FNIP2: variants seen among roughly 807,000 people sequenced by gnomAD.
FNIP2 encodes the protein folliculin interacting protein 2.
Under a neutral mutation model 108.7 loss-of-function variants are expected in FNIP2, and 32 were observed. The observed-to-expected ratio is 0.29, with a 90% confidence interval of 0.22 to 0.40. The LOEUF is 0.40. FNIP2 is among the 10% of genes least tolerant of loss of function. The probability of loss-of-function intolerance (pLI) is 1.00; values close to 1 mark genes in which losing one functional copy is unlikely to be tolerated. For synonymous variants in FNIP2, 480 were observed against 496.7 expected (o/e 0.97, Z 0.45); for missense variants, 1,202 against 1,381.6 (o/e 0.87, Z 2.06).
At chr4:158,893,995 A>C (rs2126777218) in intron 15 of FNIP2, among the ~76,000 whole-genome samples, 1 of 152,248 alleles carries the variant, frequency 6.6e-6, no homozygotes, top group East Asian at 1.9e-4. Flanking sequence ...CTTGAATGAA[A>C]CCTGTGATTA....
chr4:158,799,371 T>A (rs1776688569), intron 1 of FNIP2, among the ~76,000 whole-genome samples: 1 of 152,202 alleles, frequency 6.6e-6, no homozygotes, highest in South Asian at 2.1e-4. Flanking sequence ...ATTAAATAAT[T>A]TTAGTCCTGA....
chr4:158,780,894 G>T (rs944588988), intron 1 of FNIP2, among the ~76,000 whole-genome samples: 1 of 152,242 alleles, frequency 6.6e-6, no homozygotes, highest in African/African-American at 2.4e-5. Context: ...AATTAGCCGG[G>T]TGTGGTGGCG....
intron 1 of FNIP2, among the ~76,000 whole-genome samples, chr4:158,772,366 G>A (rs1292667710): frequency 6.6e-6 from 1 of 152,194 alleles, no homozygotes; most frequent in African/African-American, 2.4e-5. Context: ...GTTCACGTTT[G>A]AAGCATTATC....
intron 15 of FNIP2, among the ~76,000 whole-genome samples, chr4:158,894,737 G>T (rs1244088163): frequency 1.3e-5 from 2 of 152,132 alleles, no homozygotes; most frequent in African/African-American, 4.8e-5. Flanking sequence ...GCATTTCCAT[G>T]AGAATTGGTG....
intron 7 of FNIP2, among the ~76,000 whole-genome samples, chr4:158,841,444 C>T (rs976305163): frequency 6.6e-6 from 1 of 152,144 alleles, no homozygotes; most frequent in Non-Finnish European, 1.5e-5. Context: ...AGTGTGGGAC[C>T]ATTGAATAAT....
At chr4:158,832,330 C>G (rs2126589302) in intron 5 of FNIP2, among the ~76,000 whole-genome samples, 192 bp downstream of exon 5, 1 of 152,266 alleles carries the variant, frequency 6.6e-6, no homozygotes, top group Admixed American at 6.5e-5. Context: ...TATTAGGTGG[C>G]CCTAAAGACA....
chr4:158,830,248 CTTTTTT>C (rs35746599), intron 3 of FNIP2, among the ~76,000 whole-genome samples: 2 of 64,012 alleles, frequency 3.1e-5, no homozygotes, highest in African/African-American at 1.2e-4. Flanking sequence ...ATTTATCTTT[CTTTTTT>C]TTTTTTTTTT....
At chr4:158,804,334 A>G (rs1776864089) in intron 1 of FNIP2, among the ~76,000 whole-genome samples, 1 of 152,208 alleles carries the variant, frequency 6.6e-6, no homozygotes, top group Non-Finnish European at 1.5e-5. Flanking sequence ...TGCATGAGGT[A>G]CAAAAATGAA....
rs3214911 is a variant in FNIP2, at chr4:158,872,751, TAA to T, written c.2949+2287_2949+2288del. 2,836 of 750,348 alleles carry T rather than the reference TAA, an allele frequency of 3.8e-3. 6 individuals are homozygous for T. Among genetic ancestry groups the T allele is most frequent in the African/African-American group, 0.018 (896 of 50,056 alleles). The allele number at this position is 750,348 out of a possible 1,614,324, so 46.5% of individuals were successfully genotyped here. On this transcript the variant is annotated intron_variant, in intron 14 of 16. Transcript: ENST00000264433. ...ATGGTAGTGTTTTTTTTTTTTTTTT[TAA>T]AAAACAGGCTTACTTTCAACATCCA...
chr4:158,788,990 T>C (rs936467222), intron 1 of FNIP2, among the ~76,000 whole-genome samples: 3 of 152,226 alleles, frequency 2.0e-5, no homozygotes, highest in African/African-American at 4.8e-5. Context: ...CTAAAAGTAA[T>C]GAGAGTCCAT....
rs1210789730 is a variant in FNIP2, at chr4:158,891,616, G to C, written c.3120G>C (p.Gln1040His). 1 of 1,612,480 alleles carries C rather than the reference G, an allele frequency of 6.2e-7. No homozygotes were observed. Among genetic ancestry groups the C allele is most frequent in the African/African-American group, 1.3e-5 (1 of 74,916 alleles). The change falls in exon 15 of 17, where the codon CAG (glutamine) becomes CAC (histidine). Residue 1040 changes from glutamine to histidine, a missense_variant. By Grantham distance (24) the Gln-to-His change is conservative. Around this residue, in one of 5 missense-constraint regions of FNIP2, gnomAD observed 142 missense variants for 183.8 expected, o/e 0.77. Coordinates refer to ENST00000264433, the MANE Select transcript of FNIP2 (RefSeq NM_020840.3). The part of the protein sequence containing the change: ...QVSSLLQSIL[Q>H]LYKLHLPADF... ...CCAGTTTGCTTCAGTCCATTTTACA[G>C]CTCTATAAGCTTCACCTCCCTGCTG...
chr4:158,888,909 G>T (rs1782152633), intron 14 of FNIP2, among the ~76,000 whole-genome samples: 1 of 151,904 alleles, frequency 6.6e-6, no homozygotes, highest in Non-Finnish European at 1.5e-5. Flanking sequence ...AACTTTGGAG[G>T]CCAAATGTAG....
chr4:158,833,368 T>A (rs1778585880), intron 5 of FNIP2, among the ~76,000 whole-genome samples, 160 bp from the exon 6 acceptor site: 1 of 152,232 alleles, frequency 6.6e-6, no homozygotes, highest in African/African-American at 2.4e-5. Flanking sequence ...AAGTTGCAAG[T>A]TTAATTCCCT....
intron 1 of FNIP2, among the ~76,000 whole-genome samples, chr4:158,781,444 T>C (rs1213346259): frequency 2.0e-5 from 3 of 152,194 alleles, no homozygotes; most frequent in Non-Finnish European, 4.4e-5. Context: ...CCCCAAAGTG[T>C]AGATGGGGAG....
intron 1 of FNIP2, among the ~76,000 whole-genome samples, chr4:158,787,770 A>G (rs1776269501): frequency 6.6e-6 from 1 of 152,172 alleles, no homozygotes; most frequent in African/African-American, 2.4e-5. Context: ...AGGGACTGAG[A>G]CGTAAATTAT....
rs569620004 is a variant in FNIP2, at chr4:158,816,969, T to G, written c.108-8947T>G. ...TTAAGGGAACCATTTTGGGGAAAAA[T>G]GGGCCATTTATAGAGATTCTATGGG... On this transcript the variant is annotated intron_variant, in intron 1 of 16. Transcript: ENST00000264433. Among the ~76,000 whole-genome samples the G allele has an allele frequency of 3.9e-5, 6 of 151,986 alleles. No individual in the cohort carries two copies. The South Asian group carries it at 1.2e-3, about 32-fold the overall frequency.
intron 1 of FNIP2, among the ~76,000 whole-genome samples, chr4:158,812,251 G>A (rs1223360981): frequency 6.6e-6 from 1 of 152,118 alleles, no homozygotes; most frequent in African/African-American, 2.4e-5. Context: ...TATCTTAGGG[G>A]AACATTCCCC....
In FNIP2 at chr4:158,891,592, C is replaced by T; in HGVS notation, c.3096C>T (p.Ser1032=). The change falls in exon 15 of 17, where the codon TCC becomes TCT. Residue 1032 remains serine (S), a synonymous_variant. Coordinates refer to ENST00000264433, the MANE Select transcript of FNIP2 (RefSeq NM_020840.3). ...ATGTCCTGGTCTCTAGTCAGGTGTC[C>T]AGTTTGCTTCAGTCCATTTTACAGC... ...GQDVLVSSQV[S]SLLQSILQLY... The T allele has an allele frequency of 6.2e-7, 1 of 1,612,824 alleles. No individual in the cohort carries two copies. Among genetic ancestry groups the T allele is most frequent in the South Asian group, 1.1e-5 (1 of 90,768 alleles).
intron 8 of FNIP2, among the ~76,000 whole-genome samples, chr4:158,854,076 C>T (rs1779850446): frequency 6.6e-6 from 1 of 152,162 alleles, no homozygotes; most frequent in Non-Finnish European, 1.5e-5. Flanking sequence ...ATTTCTATGC[C>T]TATGAATATT....
Sources: allele counts gnomAD v4.1 joint callset (sites outside exome capture counted in the v4.1 genomes callset), GRCh38; gene constraint gnomAD v4.1.1; regional missense constraint gnomAD v4.1.1; transcripts MANE v1.5; gene names NCBI Gene and HGNC (gene_info 2026-07-23, HGNC 2026-07-21).